Variants in CIROP observed in about 807,000 individuals in gnomAD.
CIROP encodes leishmanolysin homolog.
chr14:23,102,364 C>G, the CIROP span: 3 of 702,450 alleles, frequency 4.3e-6, no homozygotes, highest in South Asian at 4.4e-5. Flanking sequence ...AAGGGAACAC[C>G]CAGGGAAGCC....
At chr14:23,103,962 C>G in the CIROP span, 1 of 589,690 alleles carries the variant, frequency 1.7e-6, no homozygotes, top group Non-Finnish European at 3.0e-6. Context: ...CCCTTCACCC[C>G]CAGTCTCTGA....
At chr14:23,104,743 G>A in the CIROP span, 1 of 703,034 alleles carries the variant, frequency 1.4e-6, no homozygotes, top group Admixed American at 2.0e-5. Context: ...CGTAGGGGTT[G>A]AGGATCACGG....
chr14:23,103,946 T>C, the CIROP span: 1 of 596,466 alleles, frequency 1.7e-6, no homozygotes, highest in Non-Finnish European at 3.0e-6. Flanking sequence ...TAGAATAGAG[T>C]TCTGCCCCTT....
the CIROP span, chr14:23,099,224 C>G: frequency 2.4e-6 from 1 of 413,228 alleles, no homozygotes; most frequent in Non-Finnish European, 4.4e-6. Context: ...GATTTTCCAT[C>G]CAGTTGTCTC....
chr14:23,104,189 TC>T, the CIROP span: 5 of 606,598 alleles, frequency 8.2e-6, no homozygotes, highest in East Asian at 1.4e-4. Context: ...TCTCTGCGTA[TC>T]CCCCCACCAC....
the CIROP span, chr14:23,104,419 C>T: frequency 4.3e-6 from 3 of 703,042 alleles, no homozygotes; most frequent in Admixed American, 4.0e-5. Flanking sequence ...TCTCCCCAGA[C>T]AGCGTGGCAA....
chr14:23,103,851 G>A, the CIROP span: 1 of 693,524 alleles, frequency 1.4e-6, no homozygotes, highest in Middle Eastern at 2.3e-4. Flanking sequence ...ATTAGCAGAG[G>A]GGCTGGAACA....
the CIROP span, chr14:23,104,967 G>T: frequency 4.6e-6 from 3 of 648,278 alleles, no homozygotes; most frequent in Admixed American, 4.7e-5. Context: ...CCTGTCTTCC[G>T]TCCCCTTGTT....
At chr14:23,099,580 G>A in the CIROP span, 3 of 368,890 alleles carry the variant, frequency 8.1e-6, no homozygotes, top group Non-Finnish European at 1.4e-5. Context: ...TTTTTTTGGA[G>A]ACAAGGTCTT....
chr14:23,104,625 G>A, the CIROP span: 1 of 702,454 alleles, frequency 1.4e-6, no homozygotes, highest in Non-Finnish European at 2.6e-6. Context: ...GATTCGCTGA[G>A]TGGCCTCTCT....
chr14:23,102,057 T>C, the CIROP span: 1 of 701,940 alleles, frequency 1.4e-6, no homozygotes, highest in Non-Finnish European at 2.6e-6. Flanking sequence ...ACTTGGGTCA[T>C]GAGTGCCTCT....
At chr14:23,100,494 T>C in the CIROP span, 2 of 413,374 alleles carry the variant, frequency 4.8e-6, no homozygotes, top group Non-Finnish European at 8.8e-6. Context: ...GTACTTGGAA[T>C]ATCTTACTTG....
At chr14:23,102,995 G>A in the CIROP span, 93 of 578,166 alleles carry the variant, frequency 1.6e-4, no homozygotes, top group Non-Finnish European at 4.0e-5. Flanking sequence ...TGGTACCAGC[G>A]AGGGGCCTGT....
At chr14:23,100,747 A>T in the CIROP span, 2 of 398,712 alleles carry the variant, frequency 5.0e-6, no homozygotes, top group Middle Eastern at 6.3e-4. Flanking sequence ...CATGAAACAG[A>T]TGCAGGCTTA....
At chr14:23,103,675 C>G in the CIROP span, 1 of 702,098 alleles carries the variant, frequency 1.4e-6, no homozygotes, top group Admixed American at 2.0e-5. Flanking sequence ...TGAACTTCAC[C>G]TCTTGGTGGC....
chr14:23,102,116 C>T, the CIROP span: 1 of 703,080 alleles, frequency 1.4e-6, no homozygotes, highest in Non-Finnish European at 2.6e-6. Flanking sequence ...AGCTCCTCTG[C>T]AGCGCTGTGG....
the CIROP span, chr14:23,101,845 C>A: frequency 1.4e-6 from 1 of 702,882 alleles, no homozygotes. Context: ...CACACACCTG[C>A]CAGTACAGAA....
chr14:23,100,472 T>C, the CIROP span: 1 of 413,400 alleles, frequency 2.4e-6, no homozygotes, highest in Non-Finnish European at 4.4e-6. Flanking sequence ...ACTCCATGGA[T>C]TTGAAAGGAA....
the CIROP span, chr14:23,100,046 C>T: frequency 2.6e-4 from 42 of 163,864 alleles, 1 homozygote; most frequent in Non-Finnish European, 4.5e-4. Context: ...TGCTTTAGCT[C>T]AGGAGTTGGA....
Sources: gnomAD v4.1 joint callset for allele counts on GRCh38, gnomAD v4.1.1 for gene constraint, MANE v1.5 for transcripts, NCBI Gene and HGNC (gene_info 2026-07-23, HGNC 2026-07-21) for gene names.